TRPA1: variants seen among roughly 807,000 people sequenced by gnomAD.
The protein encoded by TRPA1 is ankyrin-like with transmembrane domains 1.
TRPA1 carries 129 observed loss-of-function variants against 131.3 expected under a neutral mutation model. That is an observed-to-expected ratio of 0.98 (90% CI 0.85 to 1.14). The LOEUF is 1.14. Among genes scored for constraint, TRPA1 ranks in the 50% most tolerant of loss-of-function variants. The pLI is 0.00. For missense variants in TRPA1, 1,304 were observed against 1,354.2 expected, an observed-to-expected ratio of 0.96 and a Z score of 0.58; for synonymous variants, 441 against 451.7, an observed-to-expected ratio of 0.98 and a Z score of 0.30.
At chr8:72,076,864 T>C (rs1466440177), upstream of TRPA1, among the ~76,000 whole-genome samples, 1 of 152,174 alleles carries the variant, frequency 6.6e-6, no homozygotes, top group Non-Finnish European at 1.5e-5. Context: ...ACTTCACCTT[T>C]GCACTCTTTT....
chr8:72,067,635 T>G (rs1310156373), intron 3 of TRPA1, among the ~76,000 whole-genome samples: 1 of 152,214 alleles, frequency 6.6e-6, no homozygotes, highest in Admixed American at 6.5e-5. Context: ...TTAATAGGTA[T>G]GTGTTCTTGA....
rs1282497580 is a variant in TRPA1, at chr8:72,022,724, T to G, written c.*182A>C. On this transcript the variant is annotated 3_prime_UTR_variant, in exon 27 of 27. Transcript: ENST00000262209. ...CTGCAAAGATATCCCCAATACATAG[T>G]GATTGGTAGAAAATATGAATAGAGG... 3 of 673,526 alleles carry G rather than the reference T, an allele frequency of 4.5e-6. No individual in the cohort carries two copies. The highest frequency in any genetic ancestry group is 3.4e-5 in the South Asian group (2 of 59,132). 41.7% of individuals were successfully genotyped at this position (673,526 alleles called of 1,614,324 possible).
At chr8:72,023,246 T>C (rs1811460933) in intron 26 of TRPA1, 130 bp from the exon 27 acceptor site, 1 of 765,060 alleles carries the variant, frequency 1.3e-6, no homozygotes, top group Non-Finnish European at 2.1e-6. Flanking sequence ...ACCTCGGTAG[T>C]CACAATCCTT....
chr8:72,052,985 G>A, intron 13 of TRPA1: 1 of 409,196 alleles, frequency 2.4e-6, no homozygotes, highest in Non-Finnish European at 4.5e-6. Flanking sequence ...GTGTGTGTGT[G>A]TGTGTGTGTG....
intron 1 of TRPA1, among the ~76,000 whole-genome samples, chr8:72,073,313 G>C (rs1401887108): frequency 6.6e-6 from 1 of 152,146 alleles, no homozygotes; most frequent in Non-Finnish European, 1.5e-5. Context: ...ATTGGAAAAG[G>C]CTAAAAGCAT....
At chr8:72,081,815 A>G in the TRPA1 span, among the ~76,000 whole-genome samples, 1 of 151,824 alleles carries the variant, frequency 6.6e-6, no homozygotes, top group African/African-American at 2.4e-5. Flanking sequence ...CAGATCACTT[A>G]TGCTTACCAT....
intron 5 of TRPA1, 147 bp downstream of exon 5, chr8:72,063,316 G>A: frequency 1.6e-6 from 1 of 619,246 alleles, no homozygotes; most frequent in Non-Finnish European, 2.8e-6. Context: ...GAAGGCTGAA[G>A]TTGCAGTGAG....
At position 72,033,869 on chromosome 8, in the gene TRPA1, A is replaced by G. The variant is rs1811931118; in HGVS notation, c.2686-43T>C. Reference sequence around the variant, plus strand: ...GGTACAAATGAAATGCAAAGTTTCTACAATGAAAAAGTGTTTCCTGGAGGT... The same window carrying G: ...GGTACAAATGAAATGCAAAGTTTCTGCAATGAAAAAGTGTTTCCTGGAGGT... On this transcript the variant is annotated intron_variant, in intron 22 of 26. Transcript: ENST00000262209. 3.8e-6 allele frequency: 6 copies of G among 1,583,656 alleles called. No individual in the cohort carries two copies. In the African/African-American group the frequency reaches 4.0e-5, roughly 11 times the overall value.
chr8:72,033,165 G>A (rs572662360), intron 23 of TRPA1, among the ~76,000 whole-genome samples: 5 of 152,276 alleles, frequency 3.3e-5, no homozygotes, highest in South Asian at 2.1e-4. Context: ...TGGTAAGTTC[G>A]AGCATAGAGA....
chr8:72,043,281 T>C (rs1444318061), intron 17 of TRPA1, among the ~76,000 whole-genome samples: 1 of 151,854 alleles, frequency 6.6e-6, no homozygotes, highest in Admixed American at 6.6e-5. Flanking sequence ...AACGTAGTTA[T>C]AGAAAAAGGG....
chr8:72,039,101 A>G, intron 18 of TRPA1, 74 bp from the exon 19 acceptor site: 1 of 1,489,586 alleles, frequency 6.7e-7, no homozygotes, highest in Non-Finnish European at 9.3e-7. Flanking sequence ...TGGGGAAAAA[A>G]TGGTTATAAC....
the TRPA1 span, among the ~76,000 whole-genome samples, chr8:72,085,670 C>A: frequency 6.6e-6 from 1 of 151,922 alleles, no homozygotes; most frequent in Non-Finnish European, 1.5e-5. Flanking sequence ...GTGTTGCATG[C>A]AAGCAGCTTA....
At chr8:72,050,153 C>T (rs1805463994) in intron 15 of TRPA1, among the ~76,000 whole-genome samples, 2 of 151,992 alleles carry the variant, frequency 1.3e-5, no homozygotes. Flanking sequence ...TCCAAGTGTT[C>T]TCATTGTTCA....
intron 19 of TRPA1, among the ~76,000 whole-genome samples, chr8:72,038,435 G>A (rs531933506): frequency 6.6e-6 from 1 of 151,884 alleles, no homozygotes; most frequent in Non-Finnish European, 1.5e-5. Flanking sequence ...TAATTCAGTG[G>A]CATTAAGTAT....
chr8:72,077,738 A>G (rs1390401840), upstream of TRPA1, among the ~76,000 whole-genome samples: 1 of 152,122 alleles, frequency 6.6e-6, no homozygotes. Flanking sequence ...AACTTCCTCT[A>G]ATTGCAAGAT....
intron 2 of TRPA1, among the ~76,000 whole-genome samples, chr8:72,070,460 TC>T (rs1806035387): frequency 6.6e-6 from 1 of 152,208 alleles, no homozygotes; most frequent in Non-Finnish European, 1.5e-5. Flanking sequence ...AAACTCCCAT[TC>T]ACTAATTAAA....
Position 72,055,871 on chromosome 8 carries a change from A to C in TRPA1, c.1195-16T>G. 6.2e-7 allele frequency: 1 copy of C among 1,612,020 alleles called. No homozygotes were observed. Among genetic ancestry groups the C allele is most frequent in the South Asian group, 1.1e-5 (1 of 90,996 alleles). On this transcript the variant is annotated splice_polypyrimidine_tract_variant and intron_variant, in intron 10 of 26. Transcript: ENST00000262209. ...TCTGTTGCATCTATAGGAAAAAATT[A>C]ATATCATACAAATAACTCTGCTATT...
At position 72,027,602 on chromosome 8, in the gene TRPA1, C is replaced by A. The variant is rs78982105; in HGVS notation, c.2938-1529G>T. 1.6e-3 allele frequency among the ~76,000 whole-genome samples: 241 copies of A among 152,252 alleles called. 1 individual carries two copies. Among genetic ancestry groups the A allele is most frequent in the African/African-American group, 5.6e-3 (231 of 41,566 alleles). On this transcript the variant is annotated intron_variant, in intron 24 of 26. Coordinates refer to ENST00000262209, the MANE Select transcript of TRPA1 (RefSeq NM_007332.3). ...AAGAACTGACAGTCCCCATAAAGAA[C>A]CCATCTCCCAGCATGCATTGTCCCA...
At chr8:72,046,384 G>A (rs1043481144) in intron 17 of TRPA1, 129 bp downstream of exon 17, 3 of 514,620 alleles carry the variant, frequency 5.8e-6, no homozygotes, top group Non-Finnish European at 6.7e-6. Flanking sequence ...TGAGATGGCT[G>A]GGTCAAATGG....
Sources: gnomAD v4.1 joint callset for allele counts (sites outside exome capture counted in the v4.1 genomes callset) on GRCh38, gnomAD v4.1.1 for gene constraint, MANE v1.5 for transcripts, NCBI Gene and HGNC (gene_info 2026-07-23, HGNC 2026-07-21) for gene names.